The following CORIN variants were observed in gnomAD, a reference collection of about 807,000 sequenced individuals.
The protein encoded by CORIN is corin, serine peptidase.
In CORIN, 117 loss-of-function variants were observed where a neutral mutation model predicts 125.3. That is an observed-to-expected ratio of 0.93 (90% CI 0.80 to 1.09). The LOEUF is 1.09. Among genes scored for constraint, CORIN ranks in the 50% least tolerant of loss-of-function variants. The probability of loss-of-function intolerance (pLI) is 0.00; values close to 1 mark genes in which losing one functional copy is unlikely to be tolerated. For missense variants in CORIN, 1,253 were observed against 1,306.7 expected (o/e 0.96, Z 0.63); for synonymous variants, 450 against 466.4 (o/e 0.96, Z 0.45).
At chr4:47,745,464 C>T (rs993124162) in intron 4 of CORIN, among the ~76,000 whole-genome samples, 1 of 152,190 alleles carries the variant, frequency 6.6e-6, no homozygotes, top group Non-Finnish European at 1.5e-5. Context: ...AATGTGGAGC[C>T]AATAAGATAT....
chr4:47,683,718 C>T lies in CORIN; in HGVS notation c.1021+13G>A, dbSNP rs533006989. ...TTTTAAATTAAAACCTTTGGGGAAACAATGCTACTTACCACAGTTTTGCTC... is the reference window on the plus strand; with the variant it reads ...TTTTAAATTAAAACCTTTGGGGAAATAATGCTACTTACCACAGTTTTGCTC... On this transcript the variant is annotated intron_variant, in intron 7 of 21. Coordinates refer to ENST00000273857, the MANE Select transcript of CORIN (RefSeq NM_006587.4). The T allele has an allele frequency of 1.9e-6, 3 of 1,578,854 alleles. No homozygotes were observed. In the African/African-American group the frequency reaches 4.1e-5, roughly 21 times the overall value.
intron 6 of CORIN, among the ~76,000 whole-genome samples, chr4:47,689,111 C>T (rs535271070): frequency 1.6e-4 from 24 of 152,142 alleles, no homozygotes; most frequent in South Asian, 1.0e-3. Context: ...GCTGTCCCCA[C>T]GACTTCCAGT....
chr4:47,737,660 GC>G (rs1664550263), intron 5 of CORIN, among the ~76,000 whole-genome samples: 1 of 152,198 alleles, frequency 6.6e-6, no homozygotes, highest in African/African-American at 2.4e-5. Flanking sequence ...AAAGGCTGAA[GC>G]TTAATAAATA....
intron 5 of CORIN, among the ~76,000 whole-genome samples, chr4:47,714,077 G>T (rs761339555): frequency 5.9e-5 from 9 of 152,130 alleles, no homozygotes; most frequent in Non-Finnish European, 1.0e-4. Context: ...CACCAGCTCT[G>T]CCTCTTACCA....
At chr4:47,623,069 CCTCTCTCTCTCT>C (rs372736248) in intron 19 of CORIN, among the ~76,000 whole-genome samples, 1 of 93,612 alleles carries the variant, frequency 1.1e-5, no homozygotes, top group Admixed American at 1.2e-4. Context: ...CATAACATAA[CCTCTCTCTCTCT>C]CTCTCTCTCT....
chr4:47,816,704 G>C (rs552391014), intron 1 of CORIN, among the ~76,000 whole-genome samples: 1 of 152,052 alleles, frequency 6.6e-6, no homozygotes, highest in South Asian at 2.1e-4. Flanking sequence ...GAAGGAGGAG[G>C]GGGGCCAAAG....
At chr4:47,834,775 C>A (rs1165734798) in intron 1 of CORIN, among the ~76,000 whole-genome samples, 5 of 152,038 alleles carry the variant, frequency 3.3e-5, no homozygotes, top group African/African-American at 9.7e-5. Flanking sequence ...CTCGCCAATA[C>A]TTCAATAAAG....
At position 47,772,116 on chromosome 4, in the gene CORIN, G is replaced by GATA. The variant is rs1560542012; in HGVS notation, c.410-8531_410-8530insTAT. Among the ~76,000 whole-genome samples, 133 of 150,266 alleles carry GATA rather than the reference G, an allele frequency of 8.9e-4. 1 individual carries two copies. The highest frequency in any genetic ancestry group is 1.8e-3 in the African/African-American group (71 of 39,918). On this transcript the variant is annotated intron_variant, in intron 3 of 21. Transcript: ENST00000273857. ...AGATAGATAGATAGATAGATAGATAGGTAGATAGATAATTGTCTCTATCTT... is the reference window on the plus strand; with the variant it reads ...AGATAGATAGATAGATAGATAGATAGATAGTAGATAGATAATTGTCTCTATCTT...
intron 3 of CORIN, among the ~76,000 whole-genome samples, chr4:47,775,227 T>C (rs1730237836): frequency 6.6e-6 from 1 of 152,102 alleles, no homozygotes; most frequent in South Asian, 2.1e-4. Context: ...TTTCTTTTTT[T>C]TTCATATATA....
At chr4:47,787,828 C>T (rs1192001132) in intron 2 of CORIN, among the ~76,000 whole-genome samples, 1 of 152,226 alleles carries the variant, frequency 6.6e-6, no homozygotes, top group Non-Finnish European at 1.5e-5. Context: ...TTCATTGTGT[C>T]ATTCTTATGC....
Position 47,634,359 on chromosome 4 carries a change from G to A in CORIN, c.2198+7561C>T, listed in dbSNP as rs554025680. 2.9e-4 allele frequency among the ~76,000 whole-genome samples: 44 copies of A among 152,288 alleles called. 1 individual carries two copies. The highest frequency in any genetic ancestry group is 1.5e-3 in the South Asian group (7 of 4,822). Reference sequence around the variant, plus strand: ...GTCCAATCAAAATAAATCTTGGGCCGGGTGTGGCTCACGCCTGTAATCCCA... The same window carrying A: ...GTCCAATCAAAATAAATCTTGGGCCAGGTGTGGCTCACGCCTGTAATCCCA... On this transcript the variant is annotated intron_variant, in intron 16 of 21. Coordinates refer to ENST00000273857, the MANE Select transcript of CORIN (RefSeq NM_006587.4).
At chr4:47,724,973 C>T (rs956022581) in intron 5 of CORIN, among the ~76,000 whole-genome samples, 4 of 152,138 alleles carry the variant, frequency 2.6e-5, no homozygotes, top group African/African-American at 9.7e-5. Context: ...ACCCTAGGAA[C>T]CATCTTAGAA....
chr4:47,798,696 T>G lies in CORIN; in HGVS notation c.208+8207A>C, dbSNP rs180857158. On this transcript the variant is annotated intron_variant, in intron 2 of 21. Transcript: ENST00000273857. ...ATGTTTTTAATTTTTTTCTCTTTTT[T>G]ATAAATTTCAACTTTTATTTTGGAT... is the stretch of plus-strand genomic sequence containing the variant. Among the ~76,000 whole-genome samples, 1,155 of 152,320 alleles carry G rather than the reference T, an allele frequency of 7.6e-3. 14 individuals carry two copies. Among genetic ancestry groups the G allele is most frequent in the African/African-American group, 0.025 (1,039 of 41,578 alleles).
chr4:47,604,857 TA>T (rs996860965), intron 19 of CORIN, among the ~76,000 whole-genome samples: 2 of 152,102 alleles, frequency 1.3e-5, no homozygotes, highest in Admixed American at 6.6e-5. Context: ...GAGCAATATT[TA>T]AAAAAAATTA....
intron 21 of CORIN, among the ~76,000 whole-genome samples, chr4:47,598,852 C>T (rs1721346675): frequency 6.6e-6 from 1 of 152,134 alleles, no homozygotes; most frequent in Non-Finnish European, 1.5e-5. Context: ...AAATTGATAG[C>T]TGTTAATATT....
intron 5 of CORIN, among the ~76,000 whole-genome samples, chr4:47,740,435 T>C (rs1481861317): frequency 6.6e-6 from 1 of 151,972 alleles, no homozygotes; most frequent in Non-Finnish European, 1.5e-5. Flanking sequence ...TCTGGCTCTG[T>C]GTTATGTTTT....
intron 9 of CORIN, among the ~76,000 whole-genome samples, chr4:47,677,296 A>C (rs568016474): frequency 6.6e-6 from 1 of 152,340 alleles, no homozygotes; most frequent in South Asian, 2.1e-4. Context: ...TCAGGGCTGC[A>C]ACAATCATGT....
chr4:47,686,809 A>T (rs554201837), intron 6 of CORIN, among the ~76,000 whole-genome samples: 38 of 152,240 alleles, frequency 2.5e-4, no homozygotes, highest in Non-Finnish European at 4.6e-4. Context: ...TTTAAACCCT[A>T]GGAGTTAATT....
intron 2 of CORIN, among the ~76,000 whole-genome samples, chr4:47,800,015 T>C (rs1447522213): frequency 2.0e-5 from 3 of 152,162 alleles, no homozygotes; most frequent in African/African-American, 7.2e-5. Flanking sequence ...CATATGGTCA[T>C]ACAGAATGTC....
Sources: gnomAD v4.1 joint callset for allele counts (sites outside exome capture counted in the v4.1 genomes callset) on GRCh38, gnomAD v4.1.1 for gene constraint, MANE v1.5 for transcripts, NCBI Gene and HGNC (gene_info 2026-07-23, HGNC 2026-07-21) for gene names.